The following STAMBPL1 variants were observed in gnomAD, a reference collection of about 807,000 sequenced individuals.
STAMBPL1 encodes AMSH-like protease.
In STAMBPL1, 44 loss-of-function variants were observed where a neutral mutation model predicts 52.9. That is an observed-to-expected ratio of 0.83 (90% CI 0.65 to 1.07). STAMBPL1 has a LOEUF of 1.07. Among genes scored for constraint, STAMBPL1 ranks in the 50% least tolerant of loss-of-function variants. STAMBPL1 has a pLI of 0.00. For missense variants in STAMBPL1, 511 were observed against 520.8 expected, an observed-to-expected ratio of 0.98 and a Z score of 0.18; for synonymous variants, 164 against 177.3, an observed-to-expected ratio of 0.92 and a Z score of 0.60.
intron 5 of STAMBPL1, chr10:88,912,482 T>A (rs1219205231): frequency 1.3e-5 from 2 of 152,236 alleles, no homozygotes; most frequent in Non-Finnish European, 2.9e-5. Context: ...AACCATTTTT[T>A]AGTGATTCCT....
intron 6 of STAMBPL1, among the ~76,000 whole-genome samples, chr10:88,914,021 A>G (rs1485383322): frequency 6.6e-6 from 1 of 152,184 alleles, no homozygotes; most frequent in Non-Finnish European, 1.5e-5. Flanking sequence ...CTTCGCAGAC[A>G]CTGTCAGATA....
chr10:88,911,189 A>G (rs1845214861), intron 5 of STAMBPL1, among the ~76,000 whole-genome samples, 178 bp downstream of exon 5: 1 of 152,230 alleles, frequency 6.6e-6, no homozygotes, highest in African/African-American at 2.4e-5. Context: ...AGTTTCACCA[A>G]CAATGTGGTA....
At chr10:88,882,885 C>G (rs1926187) in intron 1 of STAMBPL1, 91,084 of 151,880 alleles carry the variant, frequency 0.6, 28,006 homozygotes, top group East Asian at 0.94. Context: ...TGTACTTTAA[C>G]TTCTAGGGTA....
chr10:88,922,584 T>A (rs2133223767), intron 10 of STAMBPL1, 148 bp downstream of exon 10: 1 of 645,722 alleles, frequency 1.5e-6, no homozygotes, highest in Non-Finnish European at 2.6e-6. Flanking sequence ...AATCTATCTG[T>A]ATACTTAATT....
At chr10:88,895,975 G>A (rs965140915) in intron 1 of STAMBPL1, among the ~76,000 whole-genome samples, 2 of 152,082 alleles carry the variant, frequency 1.3e-5, no homozygotes, top group Non-Finnish European at 2.9e-5. Flanking sequence ...CTACATTCTT[G>A]CTCATTGATC....
chr10:88,902,495 C>T (rs748168709), intron 2 of STAMBPL1, among the ~76,000 whole-genome samples: 39 of 152,118 alleles, frequency 2.6e-4, no homozygotes, highest in Non-Finnish European at 3.5e-4. Context: ...ATACCCTGTA[C>T]GCACAAAGAC....
At chr10:88,914,747 A>C in intron 7 of STAMBPL1, 89 bp downstream of exon 7, 1 of 542,820 alleles carries the variant, frequency 1.8e-6, no homozygotes, top group Non-Finnish European at 2.6e-6. Flanking sequence ...AGTGGAACAG[A>C]ATAAAACCAT....
chr10:88,913,463 G>GTGATGAAATGCACCCA lies in STAMBPL1; in HGVS notation c.778+8_778+23dup. On this transcript the variant is annotated splice_donor_region_variant and intron_variant, in intron 6 of 10. Transcript: ENST00000371926. ...CTACTCTAAGTGCTGTTCAGAGTAA[G>GTGATGAAATGCACCCA]TGATGAAATGCACCCATGTGAGACA... is the stretch of plus-strand genomic sequence containing the variant. The GTGATGAAATGCACCCA allele has an allele frequency of 6.2e-7, 1 of 1,603,020 alleles. No homozygotes were observed. Among genetic ancestry groups the GTGATGAAATGCACCCA allele is most frequent in the Non-Finnish European group, 8.5e-7 (1 of 1,173,012 alleles).
At chr10:88,909,797 C>T (rs568723261) in intron 4 of STAMBPL1, among the ~76,000 whole-genome samples, 1 of 152,274 alleles carries the variant, frequency 6.6e-6, no homozygotes, top group East Asian at 1.9e-4. Context: ...GATGGGGTTT[C>T]ACCATGTTGG....
intron 3 of STAMBPL1, among the ~76,000 whole-genome samples, chr10:88,906,216 A>G (rs111324291): frequency 1.1e-4 from 16 of 152,248 alleles, no homozygotes; most frequent in African/African-American, 2.9e-4. Flanking sequence ...TAAGAACACT[A>G]TGTACAAAAG....
At chr10:88,920,860 G>T (rs1845492683) in intron 8 of STAMBPL1, among the ~76,000 whole-genome samples, 1 of 152,078 alleles carries the variant, frequency 6.6e-6, no homozygotes. Context: ...TGTGCCCAGG[G>T]TTTCCAATCA....
rs533938047 is a variant in STAMBPL1 at position 88,899,667 on chromosome 10, G to A, written c.-53-1989G>A. On this transcript the variant is annotated intron_variant, in intron 1 of 10. Transcript: ENST00000371926. ...TGGGATTACAGGCGTGCACTACCAC[G>A]CCTGGCTAATTTTTGTATTTTCAGT... Among the ~76,000 whole-genome samples, 10 of 152,082 alleles carry A rather than the reference G, an allele frequency of 6.6e-5. No individual in the cohort carries two copies. In the South Asian group the frequency reaches 1.7e-3, roughly 25 times the overall value.
chr10:88,893,512 C>T (rs1049389434), intron 1 of STAMBPL1, among the ~76,000 whole-genome samples: 1 of 152,036 alleles, frequency 6.6e-6, no homozygotes, highest in Non-Finnish European at 1.5e-5. Flanking sequence ...GAGGCCGAGG[C>T]GGGCGGATCA....
intron 8 of STAMBPL1, 30 bp downstream of exon 8, chr10:88,916,847 T>TG: frequency 6.6e-7 from 1 of 1,504,762 alleles, no homozygotes. Context: ...TTTCAGTTTT[T>TG]TTGTGTGTGT....
chr10:88,906,013 A>T (rs887516829), intron 3 of STAMBPL1, among the ~76,000 whole-genome samples: 2 of 152,172 alleles, frequency 1.3e-5, no homozygotes, highest in African/African-American at 4.8e-5. Context: ...CAGGAACTAC[A>T]GTGCAGCTCC....
chr10:88,920,854 C>A (rs1261312034), intron 8 of STAMBPL1, among the ~76,000 whole-genome samples: 2 of 152,260 alleles, frequency 1.3e-5, no homozygotes, highest in Non-Finnish European at 1.5e-5. Context: ...GTATCTTGTG[C>A]CCAGGGTTTC....
At chr10:88,921,905 A>G (rs1845522214) in intron 9 of STAMBPL1, among the ~76,000 whole-genome samples, 1 of 152,180 alleles carries the variant, frequency 6.6e-6, no homozygotes, top group African/African-American at 2.4e-5. Flanking sequence ...GGATGTAAAG[A>G]TGAAATTAGA....
intron 3 of STAMBPL1, among the ~76,000 whole-genome samples, chr10:88,906,627 A>G (rs1320584029): frequency 2.0e-5 from 3 of 152,202 alleles, no homozygotes; most frequent in Non-Finnish European, 2.9e-5. Flanking sequence ...TTTTATTGAG[A>G]CAGGGTCTCC....
rs571008281 is a variant in STAMBPL1 at position 88,922,880 on chromosome 10, C to T, written c.1255-288C>T. 4.6e-5 allele frequency among the ~76,000 whole-genome samples: 7 copies of T among 152,100 alleles called. No homozygotes were observed. The East Asian group carries it at 5.8e-4, about 13-fold the overall frequency. ...ATAGTCCAAAAGAAACATTTGACTACGCCTTTTTTTTTCCTAATTTTCTTG... is the reference window on the plus strand; with the variant it reads ...ATAGTCCAAAAGAAACATTTGACTATGCCTTTTTTTTTCCTAATTTTCTTG... On this transcript the variant is annotated intron_variant, in intron 10 of 10. Transcript: ENST00000371926.
Sources: allele counts gnomAD v4.1 joint callset (sites outside exome capture counted in the v4.1 genomes callset), GRCh38; gene constraint gnomAD v4.1.1; transcripts MANE v1.5; gene names NCBI Gene and HGNC (gene_info 2026-07-23, HGNC 2026-07-21).